CDH18: variants seen among roughly 807,000 people sequenced by gnomAD.
The protein encoded by CDH18 is cadherin 18.
A neutral mutation model predicts 67.9 loss-of-function variants in CDH18; 31 were observed. That is an observed-to-expected ratio of 0.46 (90% CI 0.34 to 0.62). The LOEUF is 0.62. Ranked by LOEUF, CDH18 falls within the 20% of genes least tolerant of loss-of-function variation. The pLI is 0.01. For missense variants in CDH18, 890 were observed against 975.5 expected (o/e 0.91, Z 1.17); for synonymous variants, 362 against 347.2 (o/e 1.04, Z -0.48).
chr5:19,695,907 C>T (rs1398551171), intron 5 of CDH18, among the ~76,000 whole-genome samples: 2 of 152,138 alleles, frequency 1.3e-5, no homozygotes, highest in Non-Finnish European at 2.9e-5. Flanking sequence ...GATGGTACTG[C>T]TCTATTATCA....
chr5:19,562,168 G>T (rs1326221309), intron 8 of CDH18, among the ~76,000 whole-genome samples: 1 of 152,036 alleles, frequency 6.6e-6, no homozygotes, highest in Non-Finnish European at 1.5e-5. Context: ...ACTAAATTTG[G>T]TCTATGAAAA....
intron 5 of CDH18, among the ~76,000 whole-genome samples, chr5:19,710,537 A>G (rs552031558): frequency 1.5e-3 from 236 of 152,264 alleles, no homozygotes; most frequent in African/African-American, 5.5e-3. Context: ...CATGTTTCCA[A>G]AAATATTTAG....
At chr5:19,970,423 T>C (rs1211408220) in intron 2 of CDH18, among the ~76,000 whole-genome samples, 3 of 151,626 alleles carry the variant, frequency 2.0e-5, no homozygotes, top group Non-Finnish European at 2.9e-5. Context: ...GTTCAATATA[T>C]ATTTAAGCAT....
intron 2 of CDH18, among the ~76,000 whole-genome samples, chr5:19,853,939 A>G (rs1783994931): frequency 6.6e-6 from 1 of 152,168 alleles, no homozygotes; most frequent in Non-Finnish European, 1.5e-5. Context: ...AAAGATTGTT[A>G]AAAACCACTT....
chr5:20,234,934 G>A (rs867047855), intron 2 of CDH18, among the ~76,000 whole-genome samples: 3 of 152,182 alleles, frequency 2.0e-5, no homozygotes, highest in Middle Eastern at 6.8e-3. Flanking sequence ...ATTGGGGAAA[G>A]TATTCAGTCT....
chr5:20,326,600 G>A (rs993501073), intron 1 of CDH18, among the ~76,000 whole-genome samples: 12 of 149,402 alleles, frequency 8.0e-5, no homozygotes, highest in African/African-American at 2.2e-4. Flanking sequence ...GTGCAGTGGC[G>A]CAATCTCAGC....
At chr5:19,517,572 T>G (rs901572916) in intron 10 of CDH18, among the ~76,000 whole-genome samples, 2 of 152,144 alleles carry the variant, frequency 1.3e-5, no homozygotes, top group Non-Finnish European at 2.9e-5. Context: ...ATCACCTATC[T>G]TTTTTCTCTT....
intron 5 of CDH18, among the ~76,000 whole-genome samples, chr5:19,629,472 G>C (rs72739146): frequency 4.6e-5 from 7 of 152,132 alleles, no homozygotes; most frequent in Non-Finnish European, 7.4e-5. Context: ...TGAAGAAAGG[G>C]CCACTTATTA....
At chr5:19,904,213 G>T (rs532553615) in intron 2 of CDH18, among the ~76,000 whole-genome samples, 111 of 151,858 alleles carry the variant, frequency 7.3e-4, no homozygotes, top group African/African-American at 2.6e-3. Flanking sequence ...GGCGGAGATT[G>T]CAGTGAGCCA....
intron 1 of CDH18, among the ~76,000 whole-genome samples, chr5:20,312,605 GC>G (rs112646114): frequency 0.037 from 5,692 of 152,058 alleles, 264 homozygotes; most frequent in African/African-American, 0.11. Flanking sequence ...CCACATTTTA[GC>G]CCTTCCTTGA....
Position 20,334,748 on chromosome 5 carries a change from TCTCATACA to T in CDH18, c.-579-79251_-579-79244del, listed in dbSNP as rs1306887572. Among the ~76,000 whole-genome samples the T allele has an allele frequency of 6.9e-4, 81 of 117,598 alleles. No individual in the cohort carries two copies. In the East Asian group the frequency reaches 0.016, roughly 23 times the overall value. 77.1% of individuals were successfully genotyped at this position (117,598 alleles called of 152,430 possible). On this transcript the variant is annotated intron_variant, in intron 1 of 14. Transcript: ENST00000507958. The stretch of plus-strand genomic sequence containing the variant: ...GCTATGATCTCTCTCTCTCTCTCTC[TCTCATACA>T]CACACACACACACACACACACACAC...
chr5:20,535,419 T>C (rs1756654919), intron 1 of CDH18, among the ~76,000 whole-genome samples: 1 of 152,134 alleles, frequency 6.6e-6, no homozygotes, highest in Non-Finnish European at 1.5e-5. Flanking sequence ...CTTTCACTTT[T>C]AAGGACCCAT....
chr5:19,812,220 T>C (rs1778810956), intron 3 of CDH18, among the ~76,000 whole-genome samples: 1 of 152,090 alleles, frequency 6.6e-6, no homozygotes, highest in Non-Finnish European at 1.5e-5. Flanking sequence ...CATAGTTCAG[T>C]AAAAAGCAAA....
chr5:20,080,160 C>T (rs1744324896), intron 2 of CDH18, among the ~76,000 whole-genome samples: 2 of 152,180 alleles, frequency 1.3e-5, no homozygotes, highest in Admixed American at 1.3e-4. Flanking sequence ...ACAAAACCTT[C>T]AACTGTCCTC....
At chr5:20,210,435 A>G (rs1740265363) in intron 2 of CDH18, among the ~76,000 whole-genome samples, 1 of 151,928 alleles carries the variant, frequency 6.6e-6, no homozygotes, top group Non-Finnish European at 1.5e-5. Flanking sequence ...ATTTTCCCAT[A>G]TGTCCATAGA....
At chr5:20,417,882 G>T (rs1269705353) in intron 1 of CDH18, among the ~76,000 whole-genome samples, 1 of 152,070 alleles carries the variant, frequency 6.6e-6, no homozygotes, top group Non-Finnish European at 1.5e-5. Flanking sequence ...ATAGTAATTA[G>T]ACTTTTCTGT....
rs374636249 is a variant in CDH18, at chr5:19,747,847, G to A, written c.229-611C>T. Among the ~76,000 whole-genome samples the A allele has an allele frequency of 4.0e-5, 6 of 151,490 alleles. No homozygotes were observed. The East Asian group carries it at 9.8e-4, about 25-fold the overall frequency. On this transcript the variant is annotated intron_variant, in intron 3 of 12. Transcript: ENST00000382275. ...TTTTTGGCCAGGCACGGTGGTTCAC[G>A]CCTGTAATCCCAGCACTTTGGGAGG... is the stretch of plus-strand genomic sequence containing the variant.
At chr5:20,235,251 A>G (rs1367548283) in intron 2 of CDH18, among the ~76,000 whole-genome samples, 1 of 152,144 alleles carries the variant, frequency 6.6e-6, no homozygotes, top group Non-Finnish European at 1.5e-5. Flanking sequence ...CTCAAAAGCA[A>G]TTGCAACAAA....
intron 2 of CDH18, among the ~76,000 whole-genome samples, chr5:20,098,604 A>G (rs1746188160): frequency 1.3e-5 from 2 of 152,082 alleles, no homozygotes. Context: ...GAGAAATTAT[A>G]TCATCAGAAA....
Sources: gnomAD v4.1 joint callset for allele counts (sites outside exome capture counted in the v4.1 genomes callset) on GRCh38, gnomAD v4.1.1 for gene constraint, MANE v1.5 for transcripts, NCBI Gene and HGNC (gene_info 2026-07-23, HGNC 2026-07-21) for gene names.